The following ARHGAP24 variants were observed in gnomAD, a reference collection of about 807,000 sequenced individuals.
ARHGAP24 encodes the protein Rho GTPase activating protein 24.
In ARHGAP24, 50 loss-of-function variants were observed where a neutral mutation model predicts 76.4. The ratio of observed to expected loss-of-function variants is 0.65; its 90% CI spans 0.52 to 0.83. ARHGAP24 has a LOEUF of 0.83. ARHGAP24 is among the 40% of genes least tolerant of loss of function. The pLI is 0.00. For missense variants in ARHGAP24, 930 were observed against 914.2 expected (o/e 1.02, Z -0.22); for synonymous variants, 345 against 323.3 (o/e 1.07, Z -0.72).
At chr4:85,801,116 T>C (rs1728562059) in intron 3 of ARHGAP24, among the ~76,000 whole-genome samples, 2 of 152,168 alleles carry the variant, frequency 1.3e-5, no homozygotes, top group South Asian at 4.1e-4. Flanking sequence ...ATCTATAGTT[T>C]TATATTTTTT....
At chr4:85,506,569 T>G (rs1317040071) in intron 1 of ARHGAP24, among the ~76,000 whole-genome samples, 1 of 149,312 alleles carries the variant, frequency 6.7e-6, no homozygotes, top group Non-Finnish European at 1.5e-5. Context: ...GAAGAAAATC[T>G]TCAGGTCTGC....
At chr4:85,894,960 C>CAAAAAAAAAAAAAAAAAAAAAA (rs540459367) in intron 3 of ARHGAP24, among the ~76,000 whole-genome samples, 3 of 35,360 alleles carry the variant, frequency 8.5e-5, no homozygotes, top group African/African-American at 8.0e-5. Flanking sequence ...GACTCCCTCT[C>CAAAAAAAAAAAAAAAAAAAAAA]AAAAAAAAAA....
At chr4:85,770,274 C>A (rs547682989) in intron 3 of ARHGAP24, among the ~76,000 whole-genome samples, 1 of 152,238 alleles carries the variant, frequency 6.6e-6, no homozygotes, top group East Asian at 1.9e-4. Flanking sequence ...TGTATAAACT[C>A]AAGAATCTTA....
chr4:85,923,603 A>C, intron 3 of ARHGAP24, 45 bp from the exon 4 acceptor site: 1 of 1,611,814 alleles, frequency 6.2e-7, no homozygotes, highest in South Asian at 1.1e-5. Flanking sequence ...ATCATGAGGA[A>C]TCTCTGGATG....
chr4:85,858,072 A>T (rs768493905), intron 3 of ARHGAP24, among the ~76,000 whole-genome samples: 32 of 152,206 alleles, frequency 2.1e-4, no homozygotes, highest in Non-Finnish European at 4.4e-4. Flanking sequence ...CTTCGTCACC[A>T]TAAGACTTGT....
intron 2 of ARHGAP24, among the ~76,000 whole-genome samples, chr4:85,706,589 G>T: frequency 6.7e-6 from 1 of 149,998 alleles, no homozygotes; most frequent in Non-Finnish European, 1.5e-5. Flanking sequence ...CTTTTGAGAT[G>T]GAATCTCACT....
chr4:85,497,926 A>T (rs1723645016), intron 1 of ARHGAP24, among the ~76,000 whole-genome samples: 1 of 152,206 alleles, frequency 6.6e-6, no homozygotes, highest in Non-Finnish European at 1.5e-5. Flanking sequence ...CAGTTTTGCC[A>T]GGTTTGGGTC....
intron 3 of ARHGAP24, among the ~76,000 whole-genome samples, chr4:85,876,020 G>A (rs981708943): frequency 9.2e-5 from 14 of 152,066 alleles, no homozygotes; most frequent in Admixed American, 5.3e-4. Flanking sequence ...TGGGATTACA[G>A]GCTTGAGCCA....
At chr4:85,938,020 C>T (rs1034921496) in intron 4 of ARHGAP24, among the ~76,000 whole-genome samples, 2 of 152,154 alleles carry the variant, frequency 1.3e-5, no homozygotes, top group Non-Finnish European at 2.9e-5. Flanking sequence ...TCATAGGCAG[C>T]CTCTAGCTAT....
At chr4:85,984,612 A>G (rs1739873384) in intron 8 of ARHGAP24, among the ~76,000 whole-genome samples, 1 of 152,180 alleles carries the variant, frequency 6.6e-6, no homozygotes, top group Non-Finnish European at 1.5e-5. Flanking sequence ...TCTTTAGCAG[A>G]AAGAAAGATC....
chr4:85,878,874 C>T (rs1733085058), intron 3 of ARHGAP24, among the ~76,000 whole-genome samples: 1 of 152,140 alleles, frequency 6.6e-6, no homozygotes, highest in African/African-American at 2.4e-5. Flanking sequence ...GAATTTTTCT[C>T]TTTTGGCCAA....
intron 8 of ARHGAP24, among the ~76,000 whole-genome samples, chr4:85,984,059 T>C (rs1026155477): frequency 2.0e-5 from 3 of 152,226 alleles, no homozygotes; most frequent in African/African-American, 7.2e-5. Context: ...CAGCCTAGCC[T>C]AGTTGCAGAT....
intron 3 of ARHGAP24, among the ~76,000 whole-genome samples, chr4:85,770,241 C>T (rs889800691): frequency 6.6e-6 from 1 of 152,202 alleles, no homozygotes; most frequent in Non-Finnish European, 1.5e-5. Context: ...AGGGGAATTA[C>T]ACTTCTGGAA....
At chr4:85,822,489 C>T (rs1729516175) in intron 3 of ARHGAP24, among the ~76,000 whole-genome samples, 1 of 152,072 alleles carries the variant, frequency 6.6e-6, no homozygotes, top group Non-Finnish European at 1.5e-5. Context: ...GTAAAGAATG[C>T]AAACAAAAAT....
rs1377545701 is a variant in ARHGAP24 at position 86,001,338 on chromosome 4, T to C, written c.*616T>C. 2.5e-6 allele frequency: 1 copy of C among 398,920 alleles called. No individual in the cohort carries two copies. The highest frequency in any genetic ancestry group is 2.1e-5 in the African/African-American group (1 of 48,612). 24.7% of individuals were successfully genotyped at this position (398,920 alleles called of 1,614,324 possible). ...GGAACCTTTGAGCTGCTTTTAAAAT[T>C]CTTCCCCTGGCACCACTCAGTTTTG... On this transcript the variant is annotated 3_prime_UTR_variant, in exon 10 of 10. Coordinates refer to ENST00000395184, the MANE Select transcript of ARHGAP24 (RefSeq NM_001025616.3).
chr4:85,768,561 AC>A (rs1727014125), intron 3 of ARHGAP24, among the ~76,000 whole-genome samples: 2 of 152,174 alleles, frequency 1.3e-5, no homozygotes, highest in South Asian at 4.1e-4. Context: ...ACATGGTGAA[AC>A]CCTGTCTCTA....
chr4:85,907,366 C>A (rs1734824328), intron 3 of ARHGAP24, among the ~76,000 whole-genome samples: 1 of 152,172 alleles, frequency 6.6e-6, no homozygotes, highest in Non-Finnish European at 1.5e-5. Context: ...ATCTGAATCA[C>A]TTTACAAAAC....
intron 2 of ARHGAP24, among the ~76,000 whole-genome samples, chr4:85,591,086 C>G (rs1181288173): frequency 8.3e-6 from 1 of 121,114 alleles, no homozygotes; most frequent in Non-Finnish European, 1.6e-5. Context: ...CTCTTGTAGC[C>G]CAGGCTGGTG....
intron 3 of ARHGAP24, among the ~76,000 whole-genome samples, chr4:85,823,129 G>T (rs1374520307): frequency 1.3e-5 from 2 of 151,764 alleles, no homozygotes; most frequent in African/African-American, 4.8e-5. Context: ...TCACTACATT[G>T]TAGTAGTGGC....
Sources: gnomAD v4.1 joint callset for allele counts (sites outside exome capture counted in the v4.1 genomes callset) on GRCh38, gnomAD v4.1.1 for gene constraint, MANE v1.5 for transcripts, NCBI Gene and HGNC (gene_info 2026-07-23, HGNC 2026-07-21) for gene names.